NDST1: variants seen among roughly 807,000 people sequenced by gnomAD.
NDST1 encodes the protein bifunctional heparan sulfate N-deacetylase/N-sulfotransferase 1.
Under a neutral mutation model 92.8 loss-of-function variants are expected in NDST1, and 35 were observed. The ratio of observed to expected loss-of-function variants is 0.38; its 90% CI spans 0.29 to 0.50. The LOEUF (loss-of-function observed/expected upper bound fraction) is 0.50, where lower values mean the gene tolerates loss of function less well. NDST1 is among the 20% of genes least tolerant of loss of function. NDST1 has a pLI of 0.94. For missense variants in NDST1, 822 were observed against 1,182.7 expected, an observed-to-expected ratio of 0.69 and a Z score of 4.47; for synonymous variants, 493 against 500.3, an observed-to-expected ratio of 0.99 and a Z score of 0.19.
intron 1 of NDST1, among the ~76,000 whole-genome samples, chr5:150,513,366 CTG>C (rs1753811737): frequency 1.3e-5 from 2 of 152,168 alleles, no homozygotes; most frequent in Non-Finnish European, 2.9e-5. Context: ...TGGCAGGTGC[CTG>C]TAATCCCCAC....
At chr5:150,534,833 A>C in intron 4 of NDST1, 34 bp from the exon 5 acceptor site, 1 of 1,614,140 alleles carries the variant, frequency 6.2e-7, no homozygotes, top group Non-Finnish European at 8.5e-7. Context: ...CTCATGGCCC[A>C]GTGGGTGGTT....
intron 6 of NDST1, among the ~76,000 whole-genome samples, chr5:150,536,519 A>T (rs201834382): frequency 6.1e-5 from 9 of 147,964 alleles, no homozygotes; most frequent in Admixed American, 2.0e-4. Context: ...AAAAAAAAAA[A>T]TTTTTTTTTC....
chr5:150,509,962 G>C (rs920935869), intron 1 of NDST1, among the ~76,000 whole-genome samples: 3 of 152,084 alleles, frequency 2.0e-5, no homozygotes, highest in Non-Finnish European at 4.4e-5. Flanking sequence ...CAGCAGCCCT[G>C]GGCCTGGTCA....
intron 8 of NDST1, among the ~76,000 whole-genome samples, chr5:150,540,472 G>T (rs530587347): frequency 2.0e-5 from 3 of 152,132 alleles, no homozygotes; most frequent in East Asian, 3.9e-4. Context: ...ACTTCCCCAC[G>T]CAGACCTACA....
At chr5:150,505,069 C>T (rs115812670), upstream of NDST1, among the ~76,000 whole-genome samples, 550 of 152,258 alleles carry the variant, frequency 3.6e-3, 2 homozygotes, top group African/African-American at 0.012. Context: ...CATGTGATAC[C>T]GCAGCAATGC....
rs990547551 is a variant in NDST1 at position 150,556,619 on chromosome 5, T to C, written c.*3287T>C. On this transcript the variant is annotated 3_prime_UTR_variant, in exon 15 of 15. Transcript: ENST00000261797. Reference sequence around the variant, plus strand: ...TCTCTCTGTGTATGTATATGTTTTCTCTGTCCTAATTTAAAAGTACATTGC... The same window carrying C: ...TCTCTCTGTGTATGTATATGTTTTCCCTGTCCTAATTTAAAAGTACATTGC... 5 of 152,272 alleles carry C rather than the reference T, an allele frequency of 3.3e-5. No individual in the cohort carries two copies. Among genetic ancestry groups the C allele is most frequent in the African/African-American group, 1.2e-4 (5 of 41,474 alleles). The allele number at this position is 152,272 out of a possible 1,614,324, so 9.4% of individuals were successfully genotyped here.
chr5:150,499,076 C>G (rs1344466641), intron 1 of NDST1, among the ~76,000 whole-genome samples: 1 of 152,214 alleles, frequency 6.6e-6, no homozygotes, highest in Non-Finnish European at 1.5e-5. Flanking sequence ...TCCAAGGTAC[C>G]TCAGCTGCAG....
intron 10 of NDST1, among the ~76,000 whole-genome samples, chr5:150,544,486 A>T (rs1755393684): frequency 6.6e-6 from 1 of 152,230 alleles, no homozygotes; most frequent in Non-Finnish European, 1.5e-5. Flanking sequence ...GGTAGGTCTA[A>T]AGTGGGGTGC....
chr5:150,537,541 C>T (rs1248167347), intron 6 of NDST1, among the ~76,000 whole-genome samples: 1 of 152,224 alleles, frequency 6.6e-6, no homozygotes, highest in East Asian at 1.9e-4. Context: ...TCCCACCTAA[C>T]AAATTTTGGT....
chr5:150,546,945 G>T (rs187512014), intron 11 of NDST1, among the ~76,000 whole-genome samples: 1 of 152,348 alleles, frequency 6.6e-6, no homozygotes, highest in East Asian at 1.9e-4. Flanking sequence ...CCGCCTCCTG[G>T]CGCTGTGCAG....
chr5:150,549,715 C>T lies in NDST1; in HGVS notation c.2354C>T (p.Pro785Leu). Residue 785 changes from proline (P) to leucine (L), a missense_variant, in exon 13 of 15, where the codon CCT (proline) becomes CTT (leucine). Physicochemically the swap from Pro to Leu is moderately conservative, Grantham distance 98 (BLOSUM62 -3). Transcript: ENST00000261797. ...GATGGCAAACTGCTTCGCACAGAAC[C>T]TGCCAAAGTGATGGACATGGTGCAG... is the stretch of plus-strand genomic sequence containing the variant. ...VLDGKLLRTEPAKVMDMVQKF... is the reference protein window; with the variant it reads ...VLDGKLLRTELAKVMDMVQKF... 1.9e-6 allele frequency: 3 copies of T among 1,614,110 alleles called. No individual in the cohort carries two copies. The highest frequency in any genetic ancestry group is 2.5e-6 in the Non-Finnish European group (3 of 1,179,926).
intron 13 of NDST1, 151 bp from the exon 14 acceptor site, chr5:150,551,602 A>G: frequency 1.0e-6 from 1 of 985,454 alleles, no homozygotes; most frequent in Non-Finnish European, 1.5e-6. Flanking sequence ...ATTTGATCCC[A>G]CAGATGGCAC....
chr5:150,539,643 T>C (rs1375221997), intron 7 of NDST1: 1 of 985,344 alleles, frequency 1.0e-6, no homozygotes, highest in Non-Finnish European at 1.2e-6. Flanking sequence ...TATACACACA[T>C]ACACAGATAC....
At chr5:150,510,320 G>C (rs1484326479) in intron 1 of NDST1, among the ~76,000 whole-genome samples, 1 of 152,238 alleles carries the variant, frequency 6.6e-6, no homozygotes, top group African/African-American at 2.4e-5. Flanking sequence ...TGTTCCTTTT[G>C]AGTGTCTGTG....
In NDST1 at chr5:150,551,790, G is replaced by A; in HGVS notation, c.2464G>A (p.Glu822Lys). ...PKKGFWCQLLEGGKTKCLGKS... is the reference protein window; with the variant it reads ...PKKGFWCQLLKGGKTKCLGKS... ...GAAAGGATTTTGGTGCCAACTGCTT[G>A]AAGGAGGAAAAACCAAGTGTCTGGG... is the stretch of plus-strand genomic sequence containing the variant. The change falls in exon 14 of 15, where the codon GAA becomes AAA. Residue 822 changes from glutamate (E) to lysine (K), a missense_variant. Glu to Lys is a moderately conservative substitution (Grantham distance 56). Coordinates refer to ENST00000261797, the MANE Select transcript of NDST1 (RefSeq NM_001543.5). The A allele has an allele frequency of 6.2e-7, 1 of 1,613,730 alleles. No homozygotes were observed. Among genetic ancestry groups the A allele is most frequent in the Non-Finnish European group, 8.5e-7 (1 of 1,179,690 alleles).
intron 1 of NDST1, among the ~76,000 whole-genome samples, chr5:150,499,466 C>T (rs530464182): frequency 1.3e-3 from 205 of 152,320 alleles, no homozygotes; most frequent in African/African-American, 4.7e-3. Flanking sequence ...TTTGTGGGCT[C>T]TTCTAAGGCA....
At chr5:150,526,188 C>A (rs1754467933) in intron 2 of NDST1, among the ~76,000 whole-genome samples, 2 of 152,224 alleles carry the variant, frequency 1.3e-5, no homozygotes, top group Admixed American at 1.3e-4. Flanking sequence ...CTCCAGGAGA[C>A]CTCCTGAGCC....
At chr5:150,502,210 G>A (rs1393628783) in intron 1 of NDST1, among the ~76,000 whole-genome samples, 2 of 152,138 alleles carry the variant, frequency 1.3e-5, no homozygotes, top group Non-Finnish European at 2.9e-5. Context: ...AGGATGACTA[G>A]CTGGGAGGCT....
rs990368933 is a variant in NDST1 at position 150,554,622 on chromosome 5, A to G, written c.*1290A>G. Reference sequence around the variant, plus strand: ...AGGGAAGACCAGCTCTCTCCAGGACATCGGGCTGCGTGAAGTCCAGTGACC... The same window carrying G: ...AGGGAAGACCAGCTCTCTCCAGGACGTCGGGCTGCGTGAAGTCCAGTGACC... On this transcript the variant is annotated 3_prime_UTR_variant, in exon 15 of 15. Transcript: ENST00000261797. 4 of 152,670 alleles carry G rather than the reference A, an allele frequency of 2.6e-5. No individual in the cohort carries two copies. Among genetic ancestry groups the G allele is most frequent in the African/African-American group, 9.7e-5 (4 of 41,428 alleles). 9.5% of individuals were successfully genotyped at this position (152,670 alleles called of 1,614,324 possible).
Sources: gnomAD v4.1 joint callset for allele counts (sites outside exome capture counted in the v4.1 genomes callset) on GRCh38, gnomAD v4.1.1 for gene constraint, MANE v1.5 for transcripts, NCBI Gene and HGNC (gene_info 2026-07-23, HGNC 2026-07-21) for gene names.